The following BCAS4 variants were observed in gnomAD, a reference collection of about 807,000 sequenced individuals.
The protein encoded by BCAS4 is breast carcinoma amplified sequence 4.
In BCAS4, 9 loss-of-function variants were observed where a neutral mutation model predicts 15.7. That is an observed-to-expected ratio of 0.57 (90% CI 0.34 to 1.00). BCAS4 has a LOEUF of 1.00. BCAS4 is among the 50% of genes least tolerant of loss of function. The probability of loss-of-function intolerance (pLI) is 0.02; values close to 1 mark genes in which losing one functional copy is unlikely to be tolerated. For synonymous variants in BCAS4, 101 were observed against 99.5 expected, an observed-to-expected ratio of 1.02 and a Z score of -0.09; for missense variants, 225 against 239.1, an observed-to-expected ratio of 0.94 and a Z score of 0.39.
chr20:50,852,476 C>A (rs1456949360), intron 4 of BCAS4, among the ~76,000 whole-genome samples: 2 of 152,078 alleles, frequency 1.3e-5, no homozygotes, highest in Non-Finnish European at 1.5e-5. Flanking sequence ...CTTCCTCCCA[C>A]GCTCAAGCAG....
intron 4 of BCAS4, among the ~76,000 whole-genome samples, chr20:50,845,564 C>T (rs1377526603): frequency 2.0e-5 from 3 of 152,144 alleles, no homozygotes; most frequent in African/African-American, 4.8e-5. Flanking sequence ...GCCGGGGGCT[C>T]GGAGAGCTTT....
intron 4 of BCAS4, among the ~76,000 whole-genome samples, chr20:50,872,431 C>T (rs1266197429): frequency 1.3e-5 from 2 of 150,088 alleles, no homozygotes; most frequent in East Asian, 2.0e-4. Flanking sequence ...ATTAGCTGGA[C>T]GTGGTGGCGG....
chr20:50,876,787 AC>A lies in BCAS4; in HGVS notation c.*182del. The A allele has an allele frequency of 3.8e-6, 3 of 790,976 alleles. No individual in the cohort carries two copies. The highest frequency in any genetic ancestry group is 5.1e-6 in the Non-Finnish European group (3 of 583,096). The allele number at this position is 790,976 out of a possible 1,614,324, so 49.0% of individuals were successfully genotyped here. On this transcript the variant is annotated 3_prime_UTR_variant, in exon 5 of 5. Coordinates refer to ENST00000371608, the MANE Select transcript of BCAS4 (RefSeq NM_198799.4). Reference sequence around the variant, plus strand: ...TCAAACTCCTGGGCTCAAGTGATCCACCCACCTTGGCCTTCCAAAGTGGTGG... The same window carrying A: ...TCAAACTCCTGGGCTCAAGTGATCCACCACCTTGGCCTTCCAAAGTGGTGG...
chr20:50,819,774 CTCTTTCTGTCTTTG>C (rs1421988961), intron 2 of BCAS4, among the ~76,000 whole-genome samples: 1 of 151,970 alleles, frequency 6.6e-6, no homozygotes, highest in Non-Finnish European at 1.5e-5. Context: ...CTCTTTCTTT[CTCTTTCTGTCTTTG>C]TCTTTCTGTC....
rs759240930 is a variant in BCAS4, at chr20:50,841,772, G to A, written c.271G>A (p.Val91Ile). 5.0e-6 allele frequency: 8 copies of A among 1,613,980 alleles called. No homozygotes were observed. The highest frequency in any genetic ancestry group is 1.6e-4 in the Middle Eastern group (1 of 6,062). ...YAKVDRLEAF[V>I]KMVGHHVAFL... ...GCTTCTCCGTGTCCCTCAGGCCTTC[G>A]TCAAGATGGTTGGACACCACGTCGC... The change falls in exon 4 of 5, where the codon GTC (valine) becomes ATC (isoleucine). Residue 91 changes from valine to isoleucine, a missense_variant. Physicochemically the swap from Val to Ile is conservative, Grantham distance 29 (BLOSUM62 3). Transcript: ENST00000371608.
chr20:50,818,609 G>C (rs1206479213), intron 2 of BCAS4, among the ~76,000 whole-genome samples: 2 of 152,172 alleles, frequency 1.3e-5, no homozygotes, highest in Admixed American at 6.5e-5. Flanking sequence ...CAGCGGGGAC[G>C]CTAGACTATA....
intron 2 of BCAS4, among the ~76,000 whole-genome samples, chr20:50,825,081 C>T (rs1347200322): frequency 6.6e-6 from 1 of 152,054 alleles, no homozygotes; most frequent in Non-Finnish European, 1.5e-5. Flanking sequence ...TTTCTCTGAG[C>T]CTCGGTTTTA....
intron 4 of BCAS4, among the ~76,000 whole-genome samples, chr20:50,850,489 C>T (rs1978347551): frequency 6.6e-6 from 1 of 152,254 alleles, no homozygotes; most frequent in Non-Finnish European, 1.5e-5. Flanking sequence ...GCCTCAACCA[C>T]ACTTGCTCTT....
chr20:50,827,405 C>A (rs1432223893), intron 2 of BCAS4, among the ~76,000 whole-genome samples: 1 of 152,232 alleles, frequency 6.6e-6, no homozygotes, highest in Non-Finnish European at 1.5e-5. Flanking sequence ...CGGATGTGAG[C>A]CTGCATAAGG....
chr20:50,832,992 C>T (rs2088362841), intron 3 of BCAS4: 1 of 152,312 alleles, frequency 6.6e-6, no homozygotes, highest in South Asian at 2.1e-4. Flanking sequence ...CTGCTGCCCA[C>T]ACTTCTCCAG....
At chr20:50,874,688 C>T (rs537099689) in intron 4 of BCAS4, among the ~76,000 whole-genome samples, 7 of 152,250 alleles carry the variant, frequency 4.6e-5, no homozygotes, top group East Asian at 1.9e-4. Flanking sequence ...AGGGCAACTC[C>T]TGAGTCTTGA....
rs1407846674 is a variant in BCAS4 at position 50,795,130 on chromosome 20, C to A, written c.47C>A (p.Ala16Glu). ...ADQPEPMRSG[A>E]RELALFLTPE... ...CAGCCGGAGCCCATGCGCAGCGGGG[C>A]GCGCGAGCTCGCGCTCTTCCTGACC... The change falls in exon 1 of 5, where the codon GCG (alanine) becomes GAG (glutamate). Residue 16 changes from alanine to glutamate, a missense_variant. Coordinates refer to ENST00000371608, the MANE Select transcript of BCAS4 (RefSeq NM_198799.4). The A allele has an allele frequency of 6.8e-7, 1 of 1,478,234 alleles. No individual in the cohort carries two copies. Among genetic ancestry groups the A allele is most frequent in the Admixed American group, 2.1e-5 (1 of 46,942 alleles). The allele number at this position is 1,478,234 out of a possible 1,614,324, so 91.6% of individuals were successfully genotyped here.
At chr20:50,811,341 G>A (rs1328730233) in intron 1 of BCAS4, among the ~76,000 whole-genome samples, 2 of 152,020 alleles carry the variant, frequency 1.3e-5, no homozygotes, top group East Asian at 3.9e-4. Context: ...CTCTAGCCTG[G>A]ATGACAGAGT....
intron 1 of BCAS4, among the ~76,000 whole-genome samples, chr20:50,801,374 CCGA>C (rs1330996705): frequency 1.3e-5 from 2 of 152,186 alleles, no homozygotes; most frequent in Non-Finnish European, 2.9e-5. Context: ...TGCAGTGAGG[CCGA>C]GATTGTGCCA....
At chr20:50,818,317 C>CGTGGGTTTAGGCCA (rs778882207) in intron 2 of BCAS4, 35 bp downstream of exon 2, 2 of 1,189,664 alleles carry the variant, frequency 1.7e-6, no homozygotes, top group Non-Finnish European at 1.1e-6. Context: ...GGTTTAGGCC[C>CGTGGGTTTAGGCCA]AGGCCAGACT....
intron 4 of BCAS4, among the ~76,000 whole-genome samples, chr20:50,855,156 G>A (rs1346503582): frequency 6.6e-6 from 1 of 152,158 alleles, no homozygotes; most frequent in Non-Finnish European, 1.5e-5. Context: ...ACTGGGGGAG[G>A]GGCCCAGGCA....
intron 4 of BCAS4, among the ~76,000 whole-genome samples, chr20:50,859,133 A>G (rs528303273): frequency 3.3e-5 from 5 of 151,836 alleles, no homozygotes; most frequent in African/African-American, 1.2e-4. Flanking sequence ...TGTAGAGACA[A>G]TGTCTTGCTA....
chr20:50,866,909 T>A, intron 4 of BCAS4, among the ~76,000 whole-genome samples: 1 of 152,238 alleles, frequency 6.6e-6, no homozygotes, highest in East Asian at 1.9e-4. Flanking sequence ...GGATGAATGC[T>A]CTGTGACCTT....
At chr20:50,853,512 C>G (rs1978561818) in intron 4 of BCAS4, among the ~76,000 whole-genome samples, 1 of 152,080 alleles carries the variant, frequency 6.6e-6, no homozygotes, top group Admixed American at 6.6e-5. Context: ...CCTCGCAGCT[C>G]CTCGTATCAT....
Sources: allele counts gnomAD v4.1 joint callset (sites outside exome capture counted in the v4.1 genomes callset), GRCh38; gene constraint gnomAD v4.1.1; transcripts MANE v1.5; gene names NCBI Gene and HGNC (gene_info 2026-07-23, HGNC 2026-07-21).